Variants in XPO1 observed in about 807,000 individuals in gnomAD.
XPO1 encodes exportin 1.
A neutral mutation model predicts 133.3 loss-of-function variants in XPO1; 5 were observed. The observed-to-expected ratio is 0.04, with a 90% CI of 0.02 to 0.08. The LOEUF (loss-of-function observed/expected upper bound fraction) is 0.08. XPO1 is among the 10% of genes least tolerant of loss of function. XPO1 has a pLI of 1.00. For missense variants in XPO1, 506 were observed against 1,267.5 expected (o/e 0.40, Z 9.12); for synonymous variants, 419 against 408.2 (o/e 1.03, Z -0.32).
At chr2:61,533,160 C>T (rs1296798867) in intron 2 of XPO1, among the ~76,000 whole-genome samples, 2 of 152,220 alleles carry the variant, frequency 1.3e-5, no homozygotes, top group African/African-American at 4.8e-5. Context: ...GCCTGGACCA[C>T]AGAGCGAGAC....
At chr2:61,504,617 T>C (rs1261611453) in intron 4 of XPO1, among the ~76,000 whole-genome samples, 6 of 152,200 alleles carry the variant, frequency 3.9e-5, no homozygotes, top group African/African-American at 1.2e-4. Context: ...ATCTGGCATA[T>C]ATAGAACTGA....
At chr2:61,486,012 CTA>C in intron 19 of XPO1, 50 bp from the exon 20 acceptor site, 3 of 1,475,678 alleles carry the variant, frequency 2.0e-6, no homozygotes, top group African/African-American at 1.4e-5. Context: ...TACATGGTGA[CTA>C]TTTTAAACAA....
rs763406198 is a variant in XPO1, at chr2:61,536,404, C to G, written c.-7+1158G>C. The stretch of plus-strand genomic sequence containing the variant: ...GCTCATTCCCATTGGGCTCTTCAAT[C>G]CTAAAATCCACTCACTGGATAACAT... On this transcript the variant is annotated intron_variant, in intron 1 of 24. Coordinates refer to ENST00000401558, the MANE Select transcript of XPO1 (RefSeq NM_003400.4). The G allele has an allele frequency of 3.9e-5, 6 of 152,242 alleles. No individual in the cohort carries two copies. In the East Asian group the frequency reaches 7.7e-4, roughly 20 times the overall value. The allele number at this position is 152,242 out of a possible 1,614,324, so 9.4% of individuals were successfully genotyped here.
chr2:61,485,807 A>T lies in XPO1; in HGVS notation c.2469T>A (p.Phe823Leu). 1.2e-6 allele frequency: 2 copies of T among 1,613,540 alleles called. No individual in the cohort carries two copies. Among genetic ancestry groups the T allele is most frequent in the Non-Finnish European group, 1.7e-6 (2 of 1,179,748 alleles). ...GHITAEIPQI[F>L]DAVFECTLNM... ...TCAATGTGCATTCAAAAACAGCATC[A>T]AATATTTGAGGTATTTCAGCTGTTA... The change falls in exon 20 of 25, where the codon TTT becomes TTA. Residue 823 changes from phenylalanine to leucine, a missense_variant. By Grantham distance (22) the Phe-to-Leu change is conservative (BLOSUM62 0). Coordinates refer to ENST00000401558, the MANE Select transcript of XPO1 (RefSeq NM_003400.4).
chr2:61,516,934 A>C (rs1362334521), intron 4 of XPO1, among the ~76,000 whole-genome samples: 1 of 150,342 alleles, frequency 6.7e-6, no homozygotes, highest in Admixed American at 6.6e-5. Context: ...TCAGAGTTTC[A>C]CTCTTGTTGC....
intron 2 of XPO1, among the ~76,000 whole-genome samples, chr2:61,529,805 A>C (rs1699074857): frequency 6.6e-6 from 1 of 152,222 alleles, no homozygotes; most frequent in Non-Finnish European, 1.5e-5. Context: ...ACACACTGCT[A>C]CACACTCAAT....
At chr2:61,513,146 C>T (rs1010410134) in intron 4 of XPO1, among the ~76,000 whole-genome samples, 1 of 151,934 alleles carries the variant, frequency 6.6e-6, no homozygotes, top group Non-Finnish European at 1.5e-5. Flanking sequence ...CCTCCACCTC[C>T]CGAACTCAAC....
chr2:61,485,738 TC>T, intron 20 of XPO1, 29 bp downstream of exon 20: 1 of 1,559,470 alleles, frequency 6.4e-7, no homozygotes, highest in Non-Finnish European at 8.8e-7. Flanking sequence ...CTGCAGAATT[TC>T]CCCCTTACAT....
At chr2:61,537,296 C>T (rs942926171) in intron 1 of XPO1, among the ~76,000 whole-genome samples, 1 of 151,754 alleles carries the variant, frequency 6.6e-6, no homozygotes, top group Non-Finnish European at 1.5e-5. Flanking sequence ...TCACACTCCT[C>T]GCCTTCCTCC....
chr2:61,518,410 AAAACAAAACACACAC>A (rs1234920418), intron 4 of XPO1, among the ~76,000 whole-genome samples: 40 of 144,948 alleles, frequency 2.8e-4, no homozygotes, highest in African/African-American at 1.0e-3. Context: ...CAAAAAACAA[AAAACAAAACACACAC>A]ACACACACAC....
intron 11 of XPO1, chr2:61,494,311 T>G: frequency 4.6e-6 from 2 of 432,336 alleles, no homozygotes; most frequent in Non-Finnish European, 8.3e-6. Flanking sequence ...AGTTGATCAA[T>G]ATGTATTTTT....
At chr2:61,509,066 T>C (rs1480908500) in intron 4 of XPO1, among the ~76,000 whole-genome samples, 1 of 152,076 alleles carries the variant, frequency 6.6e-6, no homozygotes, top group Non-Finnish European at 1.5e-5. Flanking sequence ...AATGGTGCTA[T>C]CTCCGCTCAC....
At chr2:61,512,468 G>A (rs1415807718) in intron 4 of XPO1, among the ~76,000 whole-genome samples, 4 of 152,140 alleles carry the variant, frequency 2.6e-5, no homozygotes, top group African/African-American at 9.7e-5. Flanking sequence ...GCAAAATTGA[G>A]GTGTTTTCTC....
At chr2:61,532,712 A>G (rs1699210958) in intron 2 of XPO1, among the ~76,000 whole-genome samples, 1 of 150,690 alleles carries the variant, frequency 6.6e-6, no homozygotes, top group Non-Finnish European at 1.5e-5. Context: ...GCGCGTCTGT[A>G]GTCCCAGCTA....
chr2:61,526,971 G>A (rs1490390684), intron 2 of XPO1, among the ~76,000 whole-genome samples: 1 of 152,114 alleles, frequency 6.6e-6, no homozygotes, highest in Non-Finnish European at 1.5e-5. Flanking sequence ...GCCTCCCAAA[G>A]TGCTGAGATT....
rs1213067262 is a variant in XPO1, at chr2:61,495,687, T to TA, written c.889-75_889-74insT. Reference sequence around the variant, plus strand: ...AAGACACTTAATATTTTATTATTATTTTTTTGAGACAAGGTATCACTCTGT... The same window carrying TA: ...AAGACACTTAATATTTTATTATTATTATTTTTGAGACAAGGTATCACTCTGT... On this transcript the variant is annotated intron_variant, in intron 10 of 24. Transcript: ENST00000401558. 1.0e-5 allele frequency: 14 copies of TA among 1,384,896 alleles called. No homozygotes were observed. The Admixed American group carries it at 2.4e-4, about 24-fold the overall frequency. The allele number at this position is 1,384,896 out of a possible 1,614,324, so 85.8% of individuals were successfully genotyped here. A position where few individuals can be genotyped will look rare whatever the true frequency, so the allele number is the denominator to read the frequency against.
In XPO1 at chr2:61,502,282, A is replaced by G; in HGVS notation, c.330T>C (p.Ile110=). 1.2e-6 allele frequency: 2 copies of G among 1,613,572 alleles called. No individual in the cohort carries two copies. The highest frequency in any genetic ancestry group is 1.7e-6 in the Non-Finnish European group (2 of 1,179,890). Residue 110 remains isoleucine (I), a synonymous_variant, in exon 5 of 25, where the codon ATT becomes ATC. Coordinates refer to ENST00000401558, the MANE Select transcript of XPO1 (RefSeq NM_003400.4). ...AAGTTGGGTCAGATGACGTCTTGAT[A>G]ATGAGGCCAACAACGTATTTTTTTA... ...EGIKKYVVGL[I]IKTSSDPTCV...
chr2:61,479,547 G>A (rs1696232438), intron 24 of XPO1, among the ~76,000 whole-genome samples: 1 of 152,124 alleles, frequency 6.6e-6, no homozygotes, highest in Non-Finnish European at 1.5e-5. Flanking sequence ...AGTATCTCAT[G>A]CATCCCATCC....
intron 16 of XPO1, among the ~76,000 whole-genome samples, chr2:61,491,032 C>T (rs1424352220): frequency 6.6e-6 from 1 of 152,030 alleles, no homozygotes; most frequent in African/African-American, 2.4e-5. Context: ...TGGCAGGTGC[C>T]TATAATTCCA....
Sources: gnomAD v4.1 joint callset for allele counts (sites outside exome capture counted in the v4.1 genomes callset) on GRCh38, gnomAD v4.1.1 for gene constraint, MANE v1.5 for transcripts, NCBI Gene and HGNC (gene_info 2026-07-23, HGNC 2026-07-21) for gene names.